CDK17: variants seen among roughly 807,000 people sequenced by gnomAD.
CDK17 encodes the protein cyclin dependent kinase 17.
A neutral mutation model predicts 77.6 loss-of-function variants in CDK17; 24 were observed. The observed-to-expected ratio is 0.31, with a 90% confidence interval of 0.22 to 0.44. The LOEUF (loss-of-function observed/expected upper bound fraction) is 0.44. Ranked by LOEUF, CDK17 falls within the 20% of genes least tolerant of loss-of-function variation. CDK17 has a pLI of 1.00. For synonymous variants in CDK17, 203 were observed against 210.4 expected, an observed-to-expected ratio of 0.96 and a Z score of 0.30; for missense variants, 429 against 622.5, an observed-to-expected ratio of 0.69 and a Z score of 3.31.
intron 1 of CDK17, among the ~76,000 whole-genome samples, chr12:96,338,445 A>G (rs1404119829): frequency 1.3e-5 from 2 of 152,198 alleles, no homozygotes; most frequent in African/African-American, 4.8e-5. Flanking sequence ...GGGATTCCCA[A>G]CGCACACTCC....
intron 3 of CDK17, among the ~76,000 whole-genome samples, chr12:96,322,754 C>T (rs1047776259): frequency 6.6e-6 from 1 of 152,156 alleles, no homozygotes; most frequent in African/African-American, 2.4e-5. Flanking sequence ...ATGACTTTTG[C>T]ATATTCATTA....
intron 3 of CDK17, among the ~76,000 whole-genome samples, chr12:96,322,551 T>C (rs1297277210): frequency 2.7e-5 from 4 of 150,826 alleles, no homozygotes; most frequent in Admixed American, 2.6e-4. Flanking sequence ...AGCCAGGGCC[T>C]GATCTGTAGT....
intron 1 of CDK17, 90 bp downstream of exon 1, chr12:96,399,896 G>A (rs1954231593): frequency 7.6e-6 from 2 of 262,604 alleles, no homozygotes; most frequent in African/African-American, 2.3e-5. Flanking sequence ...AGTAGCCCCC[G>A]CCCCCGCCTC....
At chr12:96,306,471 T>C (rs1952578976) in intron 5 of CDK17, among the ~76,000 whole-genome samples, 1 of 151,914 alleles carries the variant, frequency 6.6e-6, no homozygotes, top group Non-Finnish European at 1.5e-5. Flanking sequence ...TTTAAAACTT[T>C]TAGAAGACAA....
rs1445682597 is a variant in CDK17 at position 96,400,330 on chromosome 12, TGGCTCCTTCTCCGC to T, written c.-388_-375del. 1 of 387,868 alleles carries T rather than the reference TGGCTCCTTCTCCGC, an allele frequency of 2.6e-6. No individual in the cohort carries two copies. The highest frequency in any genetic ancestry group is 4.6e-6 in the Non-Finnish European group (1 of 219,310). 24.0% of individuals were successfully genotyped at this position (387,868 alleles called of 1,614,324 possible). On this transcript the variant is annotated 5_prime_UTR_variant, in exon 1 of 17. Coordinates refer to ENST00000261211, the MANE Select transcript of CDK17 (RefSeq NM_002595.5). ...GGGCTGAGACTGTCTGGCCGGGCGC[TGGCTCCTTCTCCGC>T]GGCTCTGCGGCGGCCCGCGGGGAGC...
intron 13 of CDK17, chr12:96,285,811 T>A: frequency 4.0e-6 from 1 of 252,432 alleles, no homozygotes; most frequent in South Asian, 1.0e-4. Flanking sequence ...AATTTCATCA[T>A]AATCTCTGTG....
At chr12:96,389,404 T>C (rs1318670178) in intron 1 of CDK17, among the ~76,000 whole-genome samples, 3 of 152,192 alleles carry the variant, frequency 2.0e-5, no homozygotes, top group African/African-American at 4.8e-5. Flanking sequence ...AAGTTGCAGA[T>C]CTTTTCCAAA....
intron 1 of CDK17, among the ~76,000 whole-genome samples, chr12:96,382,330 A>G (rs1953897584): frequency 6.6e-6 from 1 of 150,846 alleles, no homozygotes; most frequent in Non-Finnish European, 1.5e-5. Flanking sequence ...CAGACAAATA[A>G]CAAGTTCCAA....
chr12:96,311,414 C>T (rs1952644175), intron 4 of CDK17, among the ~76,000 whole-genome samples: 1 of 151,236 alleles, frequency 6.6e-6, no homozygotes, highest in South Asian at 2.1e-4. Flanking sequence ...ATTTTTGAGT[C>T]CTTTCACTGG....
intron 1 of CDK17, chr12:96,387,190 T>A (rs1394609792): frequency 3.8e-6 from 1 of 262,942 alleles, no homozygotes; most frequent in Non-Finnish European, 7.9e-6. Flanking sequence ...TCTCATGAGC[T>A]TCATCCTAGC....
rs201195345 is a variant in CDK17, at chr12:96,280,840, G to A, written c.1502C>T (p.Pro501Leu). Residue 501 changes from proline (P) to leucine (L), a missense_variant, in exon 16 of 17, where the codon CCG becomes CTG. Coordinates refer to ENST00000261211, the MANE Select transcript of CDK17 (RefSeq NM_002595.5). Reference protein sequence around the residue: ...SLKEIQLQKDPGFRNSSYPET... With the variant: ...SLKEIQLQKDLGFRNSSYPET... The stretch of plus-strand genomic sequence containing the variant: ...TGGATAAGAAGAATTTCGAAAACCC[G>A]GGTCCTTTTGCAACTGAATCTCTTT... 27 of 1,613,656 alleles carry A rather than the reference G, an allele frequency of 1.7e-5. No homozygotes were observed. Among genetic ancestry groups the A allele is most frequent in the African/African-American group, 2.7e-5 (2 of 74,862 alleles).
chr12:96,369,035 A>G (rs1169445257), intron 1 of CDK17, among the ~76,000 whole-genome samples: 1 of 152,202 alleles, frequency 6.6e-6, no homozygotes, highest in Non-Finnish European at 1.5e-5. Context: ...CTGACTTTCA[A>G]GTTAGAATTC....
At chr12:96,383,084 A>G (rs777515148) in intron 1 of CDK17, among the ~76,000 whole-genome samples, 18 of 152,216 alleles carry the variant, frequency 1.2e-4, no homozygotes, top group Admixed American at 1.3e-4. Context: ...TACAAAATCA[A>G]TGAATAAAAA....
At chr12:96,385,713 A>G (rs2137235609) in intron 1 of CDK17, among the ~76,000 whole-genome samples, 1 of 152,308 alleles carries the variant, frequency 6.6e-6, no homozygotes, top group African/African-American at 2.4e-5. Context: ...TGAAAATAGT[A>G]ACCACTGTGT....
chr12:96,363,346 G>A (rs1363658841), intron 1 of CDK17, among the ~76,000 whole-genome samples: 1 of 151,812 alleles, frequency 6.6e-6, no homozygotes, highest in Non-Finnish European at 1.5e-5. Context: ...AGCTAACTGG[G>A]AGGCTGAGGC....
intron 5 of CDK17, among the ~76,000 whole-genome samples, chr12:96,305,268 T>C (rs575845890): frequency 2.0e-5 from 3 of 152,334 alleles, no homozygotes; most frequent in East Asian, 1.9e-4. Flanking sequence ...TGTAATGTGG[T>C]ATCCTGGAGG....
chr12:96,296,313 A>G (rs1014565970), intron 9 of CDK17, among the ~76,000 whole-genome samples: 3 of 152,220 alleles, frequency 2.0e-5, no homozygotes, highest in Non-Finnish European at 2.9e-5. Context: ...AATGACAGTT[A>G]TAACACTTTG....
At chr12:96,312,916 CAG>C (rs1952662553) in intron 4 of CDK17, among the ~76,000 whole-genome samples, 1 of 151,970 alleles carries the variant, frequency 6.6e-6, no homozygotes, top group Non-Finnish European at 1.5e-5. Context: ...AAATTTGAAA[CAG>C]AGAAAATAAA....
intron 1 of CDK17, among the ~76,000 whole-genome samples, chr12:96,368,921 T>A (rs970775755): frequency 6.7e-6 from 1 of 149,458 alleles, no homozygotes; most frequent in African/African-American, 2.5e-5. Flanking sequence ...TAAAATGTCA[T>A]GATAGTTGCT....
Sources: gnomAD v4.1 joint callset for allele counts (sites outside exome capture counted in the v4.1 genomes callset) on GRCh38, gnomAD v4.1.1 for gene constraint, MANE v1.5 for transcripts, NCBI Gene and HGNC (gene_info 2026-07-23, HGNC 2026-07-21) for gene names.